Variants in SNX30 observed in about 807,000 individuals in gnomAD.
SNX30 encodes the protein sorting nexin family member 30, also known as sorting nexin-30.
Under a neutral mutation model 46.4 loss-of-function variants are expected in SNX30, and 24 were observed. The ratio of observed to expected loss-of-function variants is 0.52; its 90% CI spans 0.37 to 0.73. The LOEUF is 0.73. Among genes scored for constraint, SNX30 ranks in the 30% least tolerant of loss-of-function variants. SNX30 has a pLI of 0.00. For missense variants in SNX30, 533 were observed against 555.7 expected (o/e 0.96, Z 0.41); for synonymous variants, 189 against 211.5 (o/e 0.89, Z 0.92).
rs56856142 is a variant in SNX30, at chr9:112,817,401, C to CTTTTTTTTTTTTTTTTTTTTTTT, written c.349-296_349-274dup. On this transcript the variant is annotated intron_variant, in intron 2 of 8. Transcript: ENST00000374232. ...CGGTAGGGAAAAAAAAAAAAACTGG[C>CTTTTTTTTTTTTTTTTTTTTTTT]TTTTTTTTTTTTTTTTTTTTTTTTT... Among the ~76,000 whole-genome samples, 46 of 46,838 alleles carry CTTTTTTTTTTTTTTTTTTTTTTT rather than the reference C, an allele frequency of 9.8e-4. 10 individuals are homozygous for CTTTTTTTTTTTTTTTTTTTTTTT. Among genetic ancestry groups the CTTTTTTTTTTTTTTTTTTTTTTT allele is most frequent in the East Asian group, 3.9e-3 (3 of 772 alleles). 30.7% of individuals were successfully genotyped at this position (46,838 alleles called of 152,430 possible).
chr9:112,840,366 T>C (rs1251923153), intron 6 of SNX30, among the ~76,000 whole-genome samples: 5 of 152,236 alleles, frequency 3.3e-5, no homozygotes, highest in African/African-American at 1.2e-4. Context: ...TTAAAAAAAA[T>C]TGGGATATAC....
intron 1 of SNX30, among the ~76,000 whole-genome samples, chr9:112,789,796 T>A (rs1434627539): frequency 6.6e-6 from 1 of 152,256 alleles, no homozygotes; most frequent in African/African-American, 2.4e-5. Flanking sequence ...TTAAGAAGTG[T>A]TCTTTTGCAT....
intron 1 of SNX30, 22 bp from the exon 2 acceptor site, chr9:112,804,754 A>G (rs772515235): frequency 2.0e-5 from 31 of 1,581,538 alleles, no homozygotes; most frequent in Non-Finnish European, 4.3e-6. Context: ...TTTAATTTTA[A>G]GGTGCTCTTT....
chr9:112,805,989 C>G (rs1840219152), intron 2 of SNX30, among the ~76,000 whole-genome samples: 2 of 152,116 alleles, frequency 1.3e-5, no homozygotes, highest in South Asian at 4.1e-4. Flanking sequence ...TCATTTGTTA[C>G]TTATGAAAAT....
rs573868838 is a variant in SNX30 at position 112,804,445 on chromosome 9, G to A, written c.157-331G>A. ...CTCCCAAAGTGCTGGGATTACAGGCGTGAGCCACTGCGCCCAGCCCCTTGT... is the reference window on the plus strand; with the variant it reads ...CTCCCAAAGTGCTGGGATTACAGGCATGAGCCACTGCGCCCAGCCCCTTGT... On this transcript the variant is annotated intron_variant, in intron 1 of 8. Transcript: ENST00000374232. Among the ~76,000 whole-genome samples, 9 of 152,332 alleles carry A rather than the reference G, an allele frequency of 5.9e-5. No individual in the cohort carries two copies. The East Asian group carries it at 1.4e-3, about 23-fold the overall frequency.
intron 1 of SNX30, among the ~76,000 whole-genome samples, chr9:112,780,972 G>A (rs1404236218): frequency 3.9e-5 from 6 of 152,216 alleles, no homozygotes. Flanking sequence ...AGATGATTCA[G>A]CCCGTCACAG....
At chr9:112,804,707 C>G (rs1407145995) in intron 1 of SNX30, 69 bp from the exon 2 acceptor site, 2 of 1,402,444 alleles carry the variant, frequency 1.4e-6, no homozygotes, top group African/African-American at 1.5e-5. Flanking sequence ...TTTGGCTAAA[C>G]CAGCTGCTTT....
intron 6 of SNX30, among the ~76,000 whole-genome samples, chr9:112,844,500 T>C (rs889545409): frequency 5.9e-5 from 9 of 152,118 alleles, no homozygotes; most frequent in African/African-American, 2.2e-4. Context: ...TGTGAAGGCC[T>C]GCGCCTGTGG....
chr9:112,883,698 T>C (rs1248715476), downstream of SNX30, among the ~76,000 whole-genome samples: 3 of 99,682 alleles, frequency 3.0e-5, no homozygotes, highest in African/African-American at 1.2e-4. Flanking sequence ...CTTTTTTCTT[T>C]TCTTTTTTTT....
At chr9:112,829,757 T>G (rs1191726557) in intron 3 of SNX30, among the ~76,000 whole-genome samples, 1 of 151,320 alleles carries the variant, frequency 6.6e-6, no homozygotes, top group East Asian at 1.9e-4. Context: ...CCAACACTTG[T>G]TTTTTTTTGT....
chr9:112,881,891 A>G (rs1320614631), downstream of SNX30, among the ~76,000 whole-genome samples: 1 of 152,112 alleles, frequency 6.6e-6, no homozygotes, highest in South Asian at 2.1e-4. Context: ...GGTTAGGAAA[A>G]TTCTCTTTGA....
chr9:112,832,480 G>T (rs1840678250), intron 4 of SNX30, among the ~76,000 whole-genome samples: 1 of 139,402 alleles, frequency 7.2e-6, no homozygotes, highest in Non-Finnish European at 1.5e-5. Context: ...GTGTGTGTGT[G>T]TGTGTGTGTG....
At chr9:112,884,704 G>A (rs1379646374), downstream of SNX30, among the ~76,000 whole-genome samples, 1 of 152,198 alleles carries the variant, frequency 6.6e-6, no homozygotes, top group Non-Finnish European at 1.5e-5. Context: ...GTGCCTAAGT[G>A]CCTTACCTGC....
intron 8 of SNX30, among the ~76,000 whole-genome samples, chr9:112,866,178 G>T (rs1390577413): frequency 6.6e-6 from 1 of 152,162 alleles, no homozygotes; most frequent in Non-Finnish European, 1.5e-5. Context: ...CCTGTGGAGG[G>T]TATGTGTTCA....
intron 6 of SNX30, among the ~76,000 whole-genome samples, chr9:112,850,411 G>A (rs1460689568): frequency 6.6e-6 from 1 of 152,216 alleles, no homozygotes; most frequent in Non-Finnish European, 1.5e-5. Flanking sequence ...CAGTCCACTA[G>A]GGGTCCAGTC....
intron 1 of SNX30, among the ~76,000 whole-genome samples, chr9:112,763,846 TA>T (rs60051703): frequency 0.15 from 18,854 of 123,520 alleles, 1,496 homozygotes; most frequent in African/African-American, 0.27. Context: ...AGACTCTGAC[TA>T]AAAAAAAAAA....
At chr9:112,780,843 T>C (rs1022001781) in intron 1 of SNX30, among the ~76,000 whole-genome samples, 5 of 152,214 alleles carry the variant, frequency 3.3e-5, no homozygotes, top group African/African-American at 1.2e-4. Context: ...TGAAAACAAA[T>C]GGATACGGTA....
At chr9:112,840,953 G>A (rs376700569) in intron 6 of SNX30, among the ~76,000 whole-genome samples, 16 of 150,882 alleles carry the variant, frequency 1.1e-4, no homozygotes, top group East Asian at 3.9e-4. Flanking sequence ...CTAATTTTTT[G>A]TATTTTTTTA....
intron 7 of SNX30, among the ~76,000 whole-genome samples, chr9:112,861,385 A>G (rs1325863052): frequency 6.6e-6 from 1 of 152,146 alleles, no homozygotes; most frequent in Non-Finnish European, 1.5e-5. Flanking sequence ...CACTTAACAC[A>G]TATTAGCCTG....
Sources: allele counts gnomAD v4.1 joint callset (sites outside exome capture counted in the v4.1 genomes callset), GRCh38; gene constraint gnomAD v4.1.1; transcripts MANE v1.5; gene names NCBI Gene and HGNC (gene_info 2026-07-23, HGNC 2026-07-21).